Variants in ZRANB2 observed in about 807,000 individuals in gnomAD.
ZRANB2 encodes zinc finger Ran-binding domain-containing protein 2.
Under a neutral mutation model 53.4 loss-of-function variants are expected in ZRANB2, and 19 were observed. That is an observed-to-expected ratio of 0.36 (90% CI 0.25 to 0.52). The LOEUF is 0.52. ZRANB2 is among the 20% of genes least tolerant of loss of function. The pLI, the probability that ZRANB2 is intolerant of heterozygous loss-of-function variation, is 0.93. For missense variants in ZRANB2, 309 were observed against 401.1 expected (o/e 0.77, Z 1.96); for synonymous variants, 145 against 134.8 (o/e 1.08, Z -0.52).
At chr1:71,078,860 A>C (rs1661769945) in intron 1 of ZRANB2, 152 bp from the exon 2 acceptor site, 2 of 682,428 alleles carry the variant, frequency 2.9e-6, no homozygotes, top group Admixed American at 2.9e-5. Flanking sequence ...CACACAATTT[A>C]CTGGGGGAAA....
chr1:71,072,440 A>G (rs756872742), intron 5 of ZRANB2, 32 bp downstream of exon 5: 1 of 1,561,326 alleles, frequency 6.4e-7, no homozygotes, highest in South Asian at 1.2e-5. Context: ...TTTCTAATTT[A>G]TATTCAACCT....
intron 6 of ZRANB2, 61 bp from the exon 7 acceptor site, chr1:71,071,057 A>G (rs1039845712): frequency 2.8e-6 from 4 of 1,430,212 alleles, no homozygotes; most frequent in South Asian, 3.1e-5. Context: ...CAGGAAAGAT[A>G]AAACAGTTAG....
intron 4 of ZRANB2, among the ~76,000 whole-genome samples, 173 bp from the exon 5 acceptor site, chr1:71,072,721 G>T (rs142032757): frequency 2.0e-5 from 3 of 152,038 alleles, no homozygotes; most frequent in South Asian, 4.1e-4. Flanking sequence ...AAAATACAGA[G>T]AACTTAGTTG....
chr1:71,077,470 C>G (rs1307978582), intron 3 of ZRANB2, among the ~76,000 whole-genome samples: 1 of 152,100 alleles, frequency 6.6e-6, no homozygotes, highest in African/African-American at 2.4e-5. Context: ...GCACTGAATT[C>G]CAAAGCATAC....
chr1:71,065,092 T>A lies in ZRANB2; in HGVS notation c.975A>T (p.Ser325=), dbSNP rs759989507. 3.1e-6 allele frequency: 5 copies of A among 1,611,226 alleles called. No homozygotes were observed. Among genetic ancestry groups the A allele is most frequent in the Non-Finnish European group, 4.2e-6 (5 of 1,178,162 alleles). Residue 325 remains serine, a synonymous_variant, in exon 10 of 10, where the codon TCA becomes TCT. Coordinates refer to ENST00000370920, the MANE Select transcript of ZRANB2 (RefSeq NM_203350.3). The part of the protein sequence containing the change: ...SSGSSHSGSR[S]SSKKK The stretch of plus-strand genomic sequence containing the variant: ...TAATACATTATTTCTTTTTTGAACT[T>A]GAACGGGAACCAGAATGGGATGATC...
Position 71,080,982 on chromosome 1 carries a change from T to G in ZRANB2, c.14A>C (p.Asn5Thr), listed in dbSNP as rs376338886. MSTK[N>T]FRVSDGDWIC... ...CCAGTCCCCGTCACTGACTCGGAAA[T>G]TCTTGGTCGACATCTTGAACGCCAC... Residue 5 changes from asparagine to threonine, a missense_variant, in exon 1 of 10, where the codon AAT (asparagine) becomes ACT (threonine). Around this residue, in one of 3 missense-constraint regions of ZRANB2, gnomAD observed 24 missense variants for 24.9 expected, o/e 0.96. Coordinates refer to ENST00000370920, the MANE Select transcript of ZRANB2 (RefSeq NM_203350.3). The G allele has an allele frequency of 1.2e-6, 2 of 1,613,998 alleles. No homozygotes were observed. Among genetic ancestry groups the G allele is most frequent in the Non-Finnish European group, 1.7e-6 (2 of 1,180,012 alleles).
chr1:71,067,609 T>C (rs371577376), intron 8 of ZRANB2: 33 of 422,606 alleles, frequency 7.8e-5, no homozygotes, highest in East Asian at 1.9e-4. Flanking sequence ...TCTTCACTTG[T>C]ATATTTTGGT....
At chr1:71,078,850 C>T in intron 1 of ZRANB2, 142 bp from the exon 2 acceptor site, 1 of 722,346 alleles carries the variant, frequency 1.4e-6, no homozygotes, top group Non-Finnish European at 2.3e-6. Flanking sequence ...CAAAAAACTC[C>T]ACACAATTTA....
intron 3 of ZRANB2, among the ~76,000 whole-genome samples, chr1:71,077,416 C>G (rs1472089512): frequency 2.0e-5 from 3 of 152,138 alleles, no homozygotes; most frequent in Non-Finnish European, 4.4e-5. Flanking sequence ...TATGGTTATA[C>G]CCTATAAATA....
chr1:71,080,763 C>T (rs1030858362), intron 1 of ZRANB2, among the ~76,000 whole-genome samples, 177 bp downstream of exon 1: 10 of 152,150 alleles, frequency 6.6e-5, no homozygotes, highest in Non-Finnish European at 8.8e-5. Context: ...CAAAGGCTCC[C>T]GGAAAGACCT....
In ZRANB2 at chr1:71,065,072, C is replaced by T. The variant is rs892635951; in HGVS notation, c.*2G>A. 6 of 1,603,400 alleles carry T rather than the reference C, an allele frequency of 3.7e-6. No individual in the cohort carries two copies. In the African/African-American group the frequency reaches 6.7e-5, roughly 18 times the overall value. On this transcript the variant is annotated 3_prime_UTR_variant, in exon 10 of 10. Coordinates refer to ENST00000370920, the MANE Select transcript of ZRANB2 (RefSeq NM_203350.3). Reference sequence around the variant, plus strand: ...TTTTTTTAAGATGTAAATTTTAATACATTATTTCTTTTTTGAACTTGAACG... The same window carrying T: ...TTTTTTTAAGATGTAAATTTTAATATATTATTTCTTTTTTGAACTTGAACG...
intron 6 of ZRANB2, among the ~76,000 whole-genome samples, chr1:71,071,424 GGACA>G (rs2101046206): frequency 6.6e-6 from 1 of 152,150 alleles, no homozygotes; most frequent in Non-Finnish European, 1.5e-5. Flanking sequence ...CTGAAACACA[GGACA>G]GATAAACACA....
rs1211028704 is a variant in ZRANB2, at chr1:71,078,675, G to A, written c.90C>T (p.Ser30=). The A allele has an allele frequency of 1.9e-6, 3 of 1,613,174 alleles. No homozygotes were observed. In the Admixed American group the frequency reaches 5.0e-5, roughly 27 times the overall value. The change falls in exon 2 of 10, where the codon AGC becomes AGT. Residue 30 remains serine (S), a synonymous_variant. Transcript: ENST00000370920. ...CGNVNFARRT[S]CNRCGREKTT... ...ACTTACCCCGACCACATCGATTACA[G>A]CTGGTTCTTCTAGCAAAGTTTACAT...
Position 71,070,953 on chromosome 1 carries a change from T to C in ZRANB2, c.557A>G (p.Asp186Gly), listed in dbSNP as rs1181563060. The change falls in exon 7 of 10, where the codon GAT (aspartate) becomes GGT (glycine). Residue 186 changes from aspartate to glycine, a missense_variant. Asp to Gly is a moderately conservative substitution (Grantham distance 94). Around this residue, in one of 3 missense-constraint regions of ZRANB2, gnomAD observed 211 missense variants for 196.1 expected, o/e 1.08. Coordinates refer to ENST00000370920, the MANE Select transcript of ZRANB2 (RefSeq NM_203350.3). ...DDADLSKYNL[D>G]ASEEEDSNKK... ...ATTACTATCTTCTTCTTCACTGGCA[T>C]CAAGATTATATTTTGAGAGATCAGC... 6 of 1,608,556 alleles carry C rather than the reference T, an allele frequency of 3.7e-6. No individual in the cohort carries two copies. Among genetic ancestry groups the C allele is most frequent in the Non-Finnish European group, 5.1e-6 (6 of 1,177,862 alleles).
In ZRANB2 at chr1:71,066,920, G is replaced by A; in HGVS notation, c.785C>T (p.Ser262Phe). 2.5e-6 allele frequency: 4 copies of A among 1,580,386 alleles called. No individual in the cohort carries two copies. Among genetic ancestry groups the A allele is most frequent in the East Asian group, 2.3e-5 (1 of 43,560 alleles). ...TCGTGGGGAAGAAGAGCCCCTGTGG[G>A]ACCTGGAGCTGGATCTTCATTGATT... ...RGSKSRSSSRSHRGSSSPRKR... is the reference protein window; with the variant it reads ...RGSKSRSSSRFHRGSSSPRKR... The change falls in exon 9 of 10, where the codon TCC becomes TTC. Residue 262 changes from serine to phenylalanine, a missense_variant. Physicochemically the swap from Ser to Phe is radical, Grantham distance 155. Transcript: ENST00000370920.
At chr1:71,075,136 A>G (rs1381481001) in intron 4 of ZRANB2, among the ~76,000 whole-genome samples, 1 of 152,200 alleles carries the variant, frequency 6.6e-6, no homozygotes, top group Non-Finnish European at 1.5e-5. Context: ...ACTTTATCCT[A>G]AAAGCAATCA....
intron 4 of ZRANB2, among the ~76,000 whole-genome samples, chr1:71,075,340 T>C (rs1661684970): frequency 6.6e-6 from 1 of 152,114 alleles, no homozygotes; most frequent in African/African-American, 2.4e-5. Context: ...GCTTATGTAA[T>C]AAATGTATGG....
chr1:71,074,277 T>A (rs1661658492), intron 4 of ZRANB2, among the ~76,000 whole-genome samples: 3 of 152,138 alleles, frequency 2.0e-5, no homozygotes, highest in African/African-American at 7.2e-5. Flanking sequence ...TCTGGAATCA[T>A]CTAATGAATT....
chr1:71,067,515 C>A, intron 8 of ZRANB2: 1 of 313,046 alleles, frequency 3.2e-6, no homozygotes, highest in Non-Finnish European at 6.4e-6. Context: ...TTATGAAAAC[C>A]CACTACTTAT....
Sources: gnomAD v4.1 joint callset for allele counts (sites outside exome capture counted in the v4.1 genomes callset) on GRCh38, gnomAD v4.1.1 for gene constraint, gnomAD v4.1.1 regional missense constraint, MANE v1.5 for transcripts, NCBI Gene and HGNC (gene_info 2026-07-23, HGNC 2026-07-21) for gene names.